Variants in HIVEP3 observed in about 807,000 individuals in gnomAD.
HIVEP3 encodes the protein HIVEP zinc finger 3.
In HIVEP3, 49 loss-of-function variants were observed where a neutral mutation model predicts 152.8. That is an observed-to-expected ratio of 0.32 (90% CI 0.26 to 0.41). The LOEUF is 0.41. Ranked by LOEUF, HIVEP3 falls within the 10% of genes least tolerant of loss-of-function variation. The pLI, the probability that HIVEP3 is intolerant of heterozygous loss-of-function variation, is 1.00. For synonymous variants in HIVEP3, 1,269 were observed against 1,289.0 expected (o/e 0.98, Z 0.33); for missense variants, 2,790 against 3,103.3 (o/e 0.90, Z 2.40).
At chr1:41,625,696 C>T (rs187416262) in intron 3 of HIVEP3, among the ~76,000 whole-genome samples, 54 of 152,184 alleles carry the variant, frequency 3.5e-4, no homozygotes, top group Middle Eastern at 3.4e-3. Context: ...GATCACACCA[C>T]TATACTCTAG....
At chr1:41,866,864 A>G (rs1422335764) in intron 1 of HIVEP3, among the ~76,000 whole-genome samples, 2 of 152,346 alleles carry the variant, frequency 1.3e-5, no homozygotes, top group East Asian at 3.9e-4. Context: ...ACAAGATGCT[A>G]ATGTCCCAGC....
intron 1 of HIVEP3, among the ~76,000 whole-genome samples, chr1:41,983,251 A>G (rs1013975595): frequency 1.3e-5 from 2 of 152,198 alleles, no homozygotes; most frequent in Non-Finnish European, 2.9e-5. Flanking sequence ...AGTTTTTATT[A>G]ATATCTACTA....
chr1:41,740,320 A>G (rs1433313977), intron 1 of HIVEP3, among the ~76,000 whole-genome samples: 4 of 152,240 alleles, frequency 2.6e-5, no homozygotes, highest in African/African-American at 9.6e-5. Context: ...CTGGGCAGCC[A>G]GAGAGTGGAT....
chr1:41,792,992 A>G (rs1457838729), intron 1 of HIVEP3, among the ~76,000 whole-genome samples: 1 of 152,202 alleles, frequency 6.6e-6, no homozygotes, highest in East Asian at 1.9e-4. Flanking sequence ...GCTCTTTCCA[A>G]TGTGAATGGC....
At chr1:41,922,811 GGGAA>G (rs915410227), upstream of HIVEP3, among the ~76,000 whole-genome samples, 39 of 149,044 alleles carry the variant, frequency 2.6e-4, no homozygotes, top group South Asian at 1.5e-3. Context: ...GAAGGAGGGA[GGGAA>G]GGAAGGAAGG....
chr1:41,802,672 C>A (rs1416042185), intron 1 of HIVEP3, among the ~76,000 whole-genome samples: 1 of 152,196 alleles, frequency 6.6e-6, no homozygotes, highest in Non-Finnish European at 1.5e-5. Context: ...GAGCCTCAGG[C>A]TTCTTACCTG....
chr1:41,988,983 G>T (rs952755938), intron 1 of HIVEP3, among the ~76,000 whole-genome samples: 14 of 152,132 alleles, frequency 9.2e-5, no homozygotes, highest in Non-Finnish European at 1.8e-4. Context: ...GGCAAATACT[G>T]CATGATCTCA....
intron 1 of HIVEP3, among the ~76,000 whole-genome samples, chr1:41,710,264 C>T (rs1646493123): frequency 6.6e-6 from 1 of 152,164 alleles, no homozygotes; most frequent in South Asian, 2.1e-4. Context: ...GGGTCATCTG[C>T]AGGGCTAGAA....
chr1:41,851,552 C>T (rs1466652457), intron 1 of HIVEP3, among the ~76,000 whole-genome samples: 1 of 152,112 alleles, frequency 6.6e-6, no homozygotes, highest in South Asian at 2.1e-4. Context: ...CTGCCAGCCT[C>T]GGCCTCCCAA....
intron 1 of HIVEP3, among the ~76,000 whole-genome samples, chr1:42,027,199 T>A (rs1007687734): frequency 6.6e-6 from 1 of 152,328 alleles, no homozygotes; most frequent in Middle Eastern, 3.4e-3. Flanking sequence ...CTCACACACA[T>A]AACCAACATC....
chr1:41,725,200 A>G (rs1047454902), intron 1 of HIVEP3, among the ~76,000 whole-genome samples: 7 of 152,230 alleles, frequency 4.6e-5, no homozygotes, highest in African/African-American at 1.4e-4. Context: ...GGCACCTCTC[A>G]TGCTGTGAAT....
intron 1 of HIVEP3, among the ~76,000 whole-genome samples, chr1:41,729,602 T>A (rs554833071): frequency 6.6e-6 from 1 of 152,184 alleles, no homozygotes; most frequent in African/African-American, 2.4e-5. Context: ...CCTTTCCAAC[T>A]CCCTACTCAT....
chr1:41,821,694 T>C (rs1642608979), intron 1 of HIVEP3, among the ~76,000 whole-genome samples: 1 of 152,238 alleles, frequency 6.6e-6, no homozygotes, highest in Non-Finnish European at 1.5e-5. Flanking sequence ...CCAGGCACTG[T>C]CTGAATCCTT....
chr1:41,951,991 T>C (rs953365358), intron 1 of HIVEP3, among the ~76,000 whole-genome samples: 3 of 152,146 alleles, frequency 2.0e-5, no homozygotes, highest in Non-Finnish European at 4.4e-5. Flanking sequence ...CGTGAACAAC[T>C]AGACATTCCC....
chr1:41,949,332 C>A (rs557503367), intron 1 of HIVEP3, among the ~76,000 whole-genome samples: 1 of 152,298 alleles, frequency 6.6e-6, no homozygotes, highest in African/African-American at 2.4e-5. Flanking sequence ...GGTATCACAA[C>A]CCCTACTCAG....
intron 1 of HIVEP3, among the ~76,000 whole-genome samples, chr1:41,756,775 T>C (rs967486219): frequency 7.2e-5 from 11 of 152,338 alleles, no homozygotes; most frequent in Non-Finnish European, 1.6e-4. Context: ...TATGAATATA[T>C]AGACTGCAAG....
chr1:41,975,817 A>G (rs1645256153), intron 1 of HIVEP3, among the ~76,000 whole-genome samples: 1 of 152,186 alleles, frequency 6.6e-6, no homozygotes, highest in Admixed American at 6.5e-5. Context: ...GGAGCACATA[A>G]AGAGAGTCTG....
chr1:41,581,353 G>A lies in HIVEP3; in HGVS notation c.3445C>T (p.Gln1149Ter), dbSNP rs775795168. 1 of 1,613,760 alleles carries A rather than the reference G, an allele frequency of 6.2e-7. No homozygotes were observed. Among genetic ancestry groups the A allele is most frequent in the Non-Finnish European group, 8.5e-7 (1 of 1,179,858 alleles). ...LPPPVSLFSF[Q>*]HLVQHEPGQS... Reference sequence around the variant, plus strand: ...CCTGGCTCATGCTGCACGAGATGCTGGAAGGAGAAAAGGGAGACTGGTGGG... The same window carrying A: ...CCTGGCTCATGCTGCACGAGATGCTAGAAGGAGAAAAGGGAGACTGGTGGG... The change falls in exon 4 of 9, where the codon CAG (glutamine) becomes TAG (stop). Residue 1149 changes from glutamine (Q) to a stop codon, truncating the protein, a stop_gained. Transcript: ENST00000372583. LOFTEE classifies it high-confidence loss of function. This position sits in a 1 kb window ranked among gnomAD's most constrained non-coding sequence, Gnocchi z 4.5.
intron 5 of HIVEP3, among the ~76,000 whole-genome samples, chr1:41,570,760 C>T (rs559870489): frequency 1.2e-4 from 19 of 152,242 alleles, no homozygotes; most frequent in African/African-American, 4.6e-4. Context: ...CTGACTTCTG[C>T]AAGGTGAGGG....
Sources: allele counts gnomAD v4.1 joint callset (sites outside exome capture counted in the v4.1 genomes callset), GRCh38; gene constraint gnomAD v4.1.1; non-coding constraint Gnocchi (gnomAD v3.1); transcripts MANE v1.5; gene names NCBI Gene and HGNC (gene_info 2026-07-23, HGNC 2026-07-21).